Variants in TAB2 observed in about 807,000 individuals in gnomAD.
TAB2 encodes TGF-beta activated kinase 1 (MAP3K7) binding protein 2.
In TAB2, 3 loss-of-function variants were observed where a neutral mutation model predicts 65.0. The ratio of observed to expected loss-of-function variants is 0.05; its 90% CI spans 0.02 to 0.12. The LOEUF is 0.12. Among genes scored for constraint, TAB2 ranks in the 10% least tolerant of loss-of-function variants. The pLI, the probability that TAB2 is intolerant of heterozygous loss-of-function variation, is 1.00. For synonymous variants in TAB2, 298 were observed against 285.1 expected (o/e 1.05, Z -0.46); for missense variants, 623 against 840.3 (o/e 0.74, Z 3.20).
chr6:149,400,351 T>A (rs368757912), intron 6 of TAB2: 1 of 1,601,698 alleles, frequency 6.2e-7, no homozygotes, highest in Non-Finnish European at 8.5e-7. Context: ...ACCCGCCACC[T>A]CTTTTGTGAA....
At chr6:149,253,488 G>A (rs915996194) in intron 1 of TAB2, among the ~76,000 whole-genome samples, 12 of 151,964 alleles carry the variant, frequency 7.9e-5, no homozygotes, top group South Asian at 2.1e-4. Context: ...AAAATTAGCC[G>A]GGCGTGGTGG....
At chr6:149,325,434 T>C (rs184685031) in intron 1 of TAB2, among the ~76,000 whole-genome samples, 11 of 152,360 alleles carry the variant, frequency 7.2e-5, no homozygotes, top group Non-Finnish European at 1.2e-4. Context: ...AAAGAATTTC[T>C]GTACTTTTTA....
intron 3 of TAB2, among the ~76,000 whole-genome samples, chr6:149,381,082 C>T (rs920541349): frequency 2.0e-5 from 3 of 152,184 alleles, no homozygotes; most frequent in Admixed American, 6.5e-5. Context: ...GGCAACATAT[C>T]GAGATCCCTA....
At chr6:149,325,065 T>C (rs1016535191) in intron 1 of TAB2, among the ~76,000 whole-genome samples, 6 of 152,142 alleles carry the variant, frequency 3.9e-5, no homozygotes, top group Non-Finnish European at 7.4e-5. Context: ...TTTTTCAGCT[T>C]CTCAGCCCCC....
chr6:149,297,839 C>T (rs1190552278), intron 1 of TAB2, among the ~76,000 whole-genome samples: 1 of 151,946 alleles, frequency 6.6e-6, no homozygotes, highest in Non-Finnish European at 1.5e-5. Context: ...GGCCTTAAAC[C>T]AATATATGTT....
At chr6:149,262,812 TA>T (rs1371841113) in intron 1 of TAB2, among the ~76,000 whole-genome samples, 1 of 152,144 alleles carries the variant, frequency 6.6e-6, no homozygotes, top group African/African-American at 2.4e-5. Context: ...TTCTTTTTTT[TA>T]TTTTTTTATT....
chr6:149,364,582 A>G (rs1476517470), intron 1 of TAB2, among the ~76,000 whole-genome samples: 1 of 151,724 alleles, frequency 6.6e-6, no homozygotes, highest in Non-Finnish European at 1.5e-5. Flanking sequence ...CTGCAGGGCA[A>G]GGACATTGAC....
chr6:149,268,110 G>A (rs759887916), intron 1 of TAB2, among the ~76,000 whole-genome samples: 1 of 152,166 alleles, frequency 6.6e-6, no homozygotes, highest in Non-Finnish European at 1.5e-5. Flanking sequence ...AGTCAAAATG[G>A]TAGTGGCTTA....
At chr6:149,275,166 C>A (rs1410599857) in intron 1 of TAB2, among the ~76,000 whole-genome samples, 1 of 116,942 alleles carries the variant, frequency 8.6e-6, no homozygotes, top group African/African-American at 3.6e-5. Context: ...TGCTCTATTG[C>A]CCAGACTAGA....
chr6:149,386,528 G>A lies in TAB2; in HGVS notation c.1603+7010G>A, dbSNP rs540313440. Among the ~76,000 whole-genome samples, 7 of 152,094 alleles carry A rather than the reference G, an allele frequency of 4.6e-5. No homozygotes were observed. The South Asian group carries it at 1.2e-3, about 27-fold the overall frequency. On this transcript the variant is annotated intron_variant, in intron 3 of 6. Coordinates refer to ENST00000637181, the MANE Select transcript of TAB2 (RefSeq NM_001292034.3). ...CGATAAATTTACATATTCTGGACAC[G>A]TGATATAAAATGGAATCTGATCTTT...
chr6:149,229,824 A>G (rs559006515), intron 1 of TAB2: 2 of 152,294 alleles, frequency 1.3e-5, no homozygotes, highest in East Asian at 3.9e-4. Context: ...TTGTAGGTTA[A>G]GTTTGCAAGC....
intron 1 of TAB2, among the ~76,000 whole-genome samples, chr6:149,347,603 T>G (rs1780346568): frequency 6.6e-6 from 1 of 152,194 alleles, no homozygotes; most frequent in Admixed American, 6.5e-5. Context: ...TGATAAAGTT[T>G]ATGGTAAAGA....
At chr6:149,353,405 T>C (rs1780554291) in intron 1 of TAB2, among the ~76,000 whole-genome samples, 1 of 152,216 alleles carries the variant, frequency 6.6e-6, no homozygotes, top group Admixed American at 6.5e-5. Context: ...CCAGCCCTTA[T>C]TCTCCCAGAT....
At chr6:149,391,444 A>G (rs1034516104) in intron 3 of TAB2, among the ~76,000 whole-genome samples, 1 of 151,820 alleles carries the variant, frequency 6.6e-6, no homozygotes. Context: ...GTCTCCTTCT[A>G]GACCTCCTCT....
chr6:149,391,722 T>C (rs574560310), intron 3 of TAB2, among the ~76,000 whole-genome samples: 1 of 152,140 alleles, frequency 6.6e-6, no homozygotes, highest in East Asian at 1.9e-4. Context: ...TTTAATTTTT[T>C]TGTAGAAACA....
intron 1 of TAB2, among the ~76,000 whole-genome samples, chr6:149,252,570 A>G (rs1777884235): frequency 6.6e-6 from 1 of 152,160 alleles, no homozygotes; most frequent in Admixed American, 6.5e-5. Flanking sequence ...AAACTTTGGT[A>G]TTTTGCTCAT....
At chr6:149,228,857 G>A (rs1172362454) in intron 1 of TAB2, among the ~76,000 whole-genome samples, 1 of 152,244 alleles carries the variant, frequency 6.6e-6, no homozygotes, top group East Asian at 1.9e-4. Context: ...ATGGATGTGT[G>A]TGCGTGCATG....
intron 1 of TAB2, among the ~76,000 whole-genome samples, chr6:149,259,149 A>C (rs1047875459): frequency 6.6e-6 from 1 of 152,198 alleles, no homozygotes; most frequent in Admixed American, 6.5e-5. Flanking sequence ...GTGTTGTTCT[A>C]AGACACTAAG....
intron 3 of TAB2, among the ~76,000 whole-genome samples, chr6:149,394,917 T>C (rs1782115883): frequency 6.6e-6 from 1 of 152,266 alleles, no homozygotes; most frequent in Admixed American, 6.5e-5. Context: ...AATTCTGCTG[T>C]TGTAAAATGG....
Sources: allele counts gnomAD v4.1 joint callset (sites outside exome capture counted in the v4.1 genomes callset), GRCh38; gene constraint gnomAD v4.1.1; transcripts MANE v1.5; gene names NCBI Gene and HGNC (gene_info 2026-07-23, HGNC 2026-07-21).